CLIP4: variants seen among roughly 807,000 people sequenced by gnomAD.
CLIP4 encodes the protein CAP-Gly domain-containing linker protein 4.
A neutral mutation model predicts 73.1 loss-of-function variants in CLIP4; 47 were observed. That is an observed-to-expected ratio of 0.64 (90% CI 0.51 to 0.82). The LOEUF is 0.82. CLIP4 is among the 40% of genes least tolerant of loss of function. The pLI is 0.00. For missense variants in CLIP4, 874 were observed against 852.9 expected (o/e 1.02, Z -0.31); for synonymous variants, 306 against 295.4 (o/e 1.04, Z -0.37).
chr2:29,131,617 C>A (rs115625441), intron 3 of CLIP4: 10 of 415,832 alleles, frequency 2.4e-5, no homozygotes, highest in African/African-American at 6.2e-5. Context: ...AGACTCCTGG[C>A]GGGTGCAGGG....
Position 29,156,429 on chromosome 2 carries a change from T to C in CLIP4, c.1241T>C (p.Val414Ala). 1 of 1,576,086 alleles carries C rather than the reference T, an allele frequency of 6.3e-7. No homozygotes were observed. The highest frequency in any genetic ancestry group is 8.6e-7 in the Non-Finnish European group (1 of 1,169,068). ...CCTCCTGGTGAAGAACTTAAAACTG[T>C]GACAGAGAAAGATGGTAATATACCT... is the stretch of plus-strand genomic sequence containing the variant. ...SLPPGEELKT[V>A]TEKDVALLGS... The change falls in exon 10 of 16, where the codon GTG becomes GCG. Residue 414 changes from valine to alanine, a missense_variant. Transcript: ENST00000320081.
chr2:29,171,699 T>C (rs1668015057), intron 14 of CLIP4, among the ~76,000 whole-genome samples: 2 of 152,114 alleles, frequency 1.3e-5, no homozygotes, highest in Admixed American at 1.3e-4. Flanking sequence ...TTTGTATTTT[T>C]AGTAGAGACG....
intron 6 of CLIP4, among the ~76,000 whole-genome samples, chr2:29,137,875 A>G (rs1335380608): frequency 6.6e-6 from 1 of 151,092 alleles, no homozygotes; most frequent in African/African-American, 2.4e-5. Flanking sequence ...TTTCTTGTTG[A>G]TTTGTTTACA....
At chr2:29,118,202 T>G (rs537279296) in intron 1 of CLIP4, 60 of 152,350 alleles carry the variant, frequency 3.9e-4, no homozygotes, top group African/African-American at 1.0e-3. Flanking sequence ...AAGGACACTC[T>G]TGAACCATAT....
intron 3 of CLIP4, chr2:29,131,640 C>T: frequency 2.9e-6 from 1 of 339,052 alleles, no homozygotes; most frequent in African/African-American, 2.1e-5. Context: ...GGGCATTTTT[C>T]ATATTTCCTT....
At chr2:29,174,731 A>C in intron 15 of CLIP4, 1 of 1,009,228 alleles carries the variant, frequency 9.9e-7, no homozygotes, top group Non-Finnish European at 1.2e-6. Flanking sequence ...TCTTTTCATT[A>C]AGTAGGGTGG....
chr2:29,140,760 A>G (rs1665707945), intron 6 of CLIP4, among the ~76,000 whole-genome samples: 1 of 152,124 alleles, frequency 6.6e-6, no homozygotes, highest in Non-Finnish European at 1.5e-5. Context: ...TGACATTTTA[A>G]TGATCGCCAT....
chr2:29,132,400 AC>A, intron 4 of CLIP4, 155 bp downstream of exon 4: 1 of 630,698 alleles, frequency 1.6e-6, no homozygotes, highest in African/African-American at 1.9e-5. Flanking sequence ...CCTTCCAAAA[AC>A]CATATTCCCT....
chr2:29,134,023 A>G lies in CLIP4; in HGVS notation c.529+207A>G, dbSNP rs187830520. Among the ~76,000 whole-genome samples, 804 of 152,322 alleles carry G rather than the reference A, an allele frequency of 5.3e-3. 5 individuals are homozygous for G. Among genetic ancestry groups the G allele is most frequent in the Non-Finnish European group, 9.4e-3 (637 of 68,024 alleles). ...CAAAAGGATTAGTACAGAGAGATAC[A>G]AAATGAAAGAGTGTTCTCTGGGTTT... On this transcript the variant is annotated intron_variant, in intron 5 of 15. Coordinates refer to ENST00000320081, the MANE Select transcript of CLIP4 (RefSeq NM_024692.6).
rs559444193 is a variant in CLIP4, at chr2:29,127,328, C to T, written c.134-3930C>T. Among the ~76,000 whole-genome samples the T allele has an allele frequency of 3.7e-3, 566 of 152,008 alleles. 7 individuals carry two copies. Among genetic ancestry groups the T allele is most frequent in the African/African-American group, 0.013 (520 of 41,474 alleles). ...TGTGTCCTGTTACAGGGGAAACAAA[C>T]TTTCATTGAACTTATGTAAATATTT... On this transcript the variant is annotated intron_variant, in intron 2 of 15. Transcript: ENST00000320081.
At chr2:29,137,275 G>A (rs1665434716) in intron 6 of CLIP4, among the ~76,000 whole-genome samples, 1 of 152,106 alleles carries the variant, frequency 6.6e-6, no homozygotes, top group African/African-American at 2.4e-5. Context: ...GTGAGAACAT[G>A]CATTATTTGG....
chr2:29,117,503 C>T lies in CLIP4; in HGVS notation c.-16+1838C>T, dbSNP rs182058657. Among the ~76,000 whole-genome samples, 532 of 152,178 alleles carry T rather than the reference C, an allele frequency of 3.5e-3. 3 individuals carry two copies. Among genetic ancestry groups the T allele is most frequent in the African/African-American group, 0.012 (501 of 41,518 alleles). ...GGATTACAGGCGCCTGCTACCACAC[C>T]CTGTTAATTTTTGCTGTGGGGTTTC... On this transcript the variant is annotated intron_variant, in intron 1 of 15. Coordinates refer to ENST00000320081, the MANE Select transcript of CLIP4 (RefSeq NM_024692.6).
intron 14 of CLIP4, among the ~76,000 whole-genome samples, chr2:29,169,333 GTGTGTGTGTGT>G (rs1667850694): frequency 1.0e-4 from 4 of 38,902 alleles, no homozygotes; most frequent in African/African-American, 6.3e-4. Flanking sequence ...TTTTCACTGT[GTGTGTGTGTGT>G]GTGTGTGTGT....
intron 5 of CLIP4, among the ~76,000 whole-genome samples, chr2:29,134,616 G>A (rs1207259911): frequency 1.3e-5 from 2 of 152,174 alleles, no homozygotes; most frequent in Middle Eastern, 6.8e-3. Flanking sequence ...AGAGTTTGTC[G>A]AGTATTTCTG....
chr2:29,159,628 C>G (rs1293842616), intron 11 of CLIP4, among the ~76,000 whole-genome samples: 3 of 147,848 alleles, frequency 2.0e-5, no homozygotes, highest in Non-Finnish European at 4.4e-5. Context: ...GGGAGGATCA[C>G]TCAAGCCCAG....
chr2:29,147,443 T>G (rs1666247430), intron 8 of CLIP4, among the ~76,000 whole-genome samples: 1 of 152,182 alleles, frequency 6.6e-6, no homozygotes. Flanking sequence ...ACATGTAGTT[T>G]TATGGCTTAA....
At chr2:29,164,017 G>A in intron 13 of CLIP4, 63 bp downstream of exon 13, 1 of 1,348,570 alleles carries the variant, frequency 7.4e-7, no homozygotes, top group Non-Finnish European at 1.0e-6. Flanking sequence ...GGTTAATAGA[G>A]ACACTAATTT....
chr2:29,175,973 G>T (rs540454215), intron 15 of CLIP4, among the ~76,000 whole-genome samples: 64 of 152,320 alleles, frequency 4.2e-4, no homozygotes, highest in Non-Finnish European at 6.8e-4. Context: ...GTGTTAGCCA[G>T]GATGGTCTCG....
intron 1 of CLIP4, among the ~76,000 whole-genome samples, chr2:29,118,869 A>C (rs370831552): frequency 6.6e-6 from 1 of 152,118 alleles, no homozygotes; most frequent in African/African-American, 2.4e-5. Flanking sequence ...CTTTATAATC[A>C]GTTATCACCA....
Sources: allele counts gnomAD v4.1 joint callset (sites outside exome capture counted in the v4.1 genomes callset), GRCh38; gene constraint gnomAD v4.1.1; transcripts MANE v1.5; gene names NCBI Gene and HGNC (gene_info 2026-07-23, HGNC 2026-07-21).